Variants in ATP2B2 observed in about 807,000 individuals in gnomAD.
ATP2B2 encodes plasma membrane calcium-transporting ATPase 2.
A neutral mutation model predicts 120.0 loss-of-function variants in ATP2B2; 15 were observed. The ratio of observed to expected loss-of-function variants is 0.12; its 90% confidence interval spans 0.08 to 0.19. The LOEUF (loss-of-function observed/expected upper bound fraction) is 0.19. Ranked by LOEUF, ATP2B2 falls within the 10% of genes least tolerant of loss-of-function variation. The pLI is 1.00. For missense variants in ATP2B2, 1,045 were observed against 1,719.8 expected, an observed-to-expected ratio of 0.61 and a Z score of 6.94; for synonymous variants, 694 against 700.3, an observed-to-expected ratio of 0.99 and a Z score of 0.14.
At chr3:10,404,648 C>T (rs1211631576) in intron 3 of ATP2B2, among the ~76,000 whole-genome samples, 1 of 152,166 alleles carries the variant, frequency 6.6e-6, no homozygotes, top group Non-Finnish European at 1.5e-5. Context: ...CCCTGAGGCC[C>T]ACATTACAGA....
intron 1 of ATP2B2, among the ~76,000 whole-genome samples, chr3:10,677,435 T>C (rs2071273997): frequency 6.6e-6 from 1 of 152,066 alleles, no homozygotes; most frequent in African/African-American, 2.4e-5. Context: ...GGAGCGGGGA[T>C]GTTTGGGGCA....
At chr3:10,432,781 C>T (rs146882042) in intron 2 of ATP2B2, among the ~76,000 whole-genome samples, 7 of 152,282 alleles carry the variant, frequency 4.6e-5, no homozygotes, top group South Asian at 2.1e-4. Context: ...CAAAGGGACG[C>T]GGCTTTCTAC....
intron 3 of ATP2B2, among the ~76,000 whole-genome samples, chr3:10,528,859 G>A (rs929774364): frequency 6.6e-6 from 1 of 152,204 alleles, no homozygotes; most frequent in Admixed American, 6.5e-5. Context: ...CTTGCTTGGT[G>A]CTGGTGTCAG....
intron 3 of ATP2B2, among the ~76,000 whole-genome samples, chr3:10,408,613 G>A (rs988273350): frequency 6.6e-6 from 1 of 152,208 alleles, no homozygotes; most frequent in African/African-American, 2.4e-5. Context: ...AGACAGACTC[G>A]GGTTGAAAAT....
At chr3:10,469,802 C>G (rs2064906298) in intron 1 of ATP2B2, among the ~76,000 whole-genome samples, 1 of 152,178 alleles carries the variant, frequency 6.6e-6, no homozygotes, top group African/African-American at 2.4e-5. Flanking sequence ...CCTGGGCTAG[C>G]CAGGCAAAGA....
In ATP2B2 at chr3:10,379,251, TG is replaced by T; in HGVS notation, c.1033del (p.Gln345ArgfsTer59). On this transcript the variant is annotated frameshift_variant, in exon 9 of 23. Transcript: ENST00000360273. LOFTEE classifies it high-confidence loss of function. The part of the protein sequence containing the change: ...KMQDGNVDAS[Q>X]SKAKQQDGAA... The stretch of plus-strand genomic sequence containing the variant: ...TAAAACAAAAGGGTTACCTTTGCTC[TG>T]GCTGGCGTCCACATTGCCATCCTGC... The T allele has an allele frequency of 6.2e-7, 1 of 1,613,960 alleles. No individual in the cohort carries two copies. The highest frequency in any genetic ancestry group is 8.5e-7 in the Non-Finnish European group (1 of 1,179,966).
chr3:10,610,263 C>T (rs1202136846), intron 2 of ATP2B2, among the ~76,000 whole-genome samples: 2 of 151,642 alleles, frequency 1.3e-5, no homozygotes, highest in African/African-American at 4.8e-5. Context: ...TCCTTGAAGC[C>T]GAAGGGCATG....
At chr3:10,587,119 C>A (rs1005453584) in intron 2 of ATP2B2, among the ~76,000 whole-genome samples, 1 of 152,032 alleles carries the variant, frequency 6.6e-6, no homozygotes, top group Non-Finnish European at 1.5e-5. Flanking sequence ...CACGGCAAAA[C>A]CCCATAGCTA....
intron 2 of ATP2B2, among the ~76,000 whole-genome samples, chr3:10,537,015 G>A (rs1484849465): frequency 6.6e-6 from 1 of 152,116 alleles, no homozygotes; most frequent in African/African-American, 2.4e-5. Flanking sequence ...TTACTCCATT[G>A]AATTGCTTTT....
At chr3:10,446,138 C>T in intron 2 of ATP2B2, among the ~76,000 whole-genome samples, 1 of 152,166 alleles carries the variant, frequency 6.6e-6, no homozygotes, top group East Asian at 1.9e-4. Context: ...GGTAACAGCA[C>T]CCGTTTCCAG....
chr3:10,643,334 A>T (rs1373251215), intron 1 of ATP2B2, among the ~76,000 whole-genome samples: 1 of 152,248 alleles, frequency 6.6e-6, no homozygotes, highest in Non-Finnish European at 1.5e-5. Context: ...TAAACGTGGA[A>T]TGCTGGAGTT....
intron 1 of ATP2B2, among the ~76,000 whole-genome samples, chr3:10,465,127 C>T (rs1054835315): frequency 1.6e-4 from 25 of 152,246 alleles, no homozygotes; most frequent in African/African-American, 5.5e-4. Flanking sequence ...AGCCTCCTCT[C>T]CCCTGAGCCC....
intron 2 of ATP2B2, among the ~76,000 whole-genome samples, chr3:10,585,570 C>G (rs1205997164): frequency 6.7e-6 from 1 of 149,564 alleles, no homozygotes; most frequent in Non-Finnish European, 1.5e-5. Context: ...CTACCCATCT[C>G]TGCAGCTTCT....
At chr3:10,405,433 T>C (rs1456284078) in intron 3 of ATP2B2, among the ~76,000 whole-genome samples, 2 of 152,072 alleles carry the variant, frequency 1.3e-5, no homozygotes, top group Non-Finnish European at 2.9e-5. Context: ...GACTAGAAAG[T>C]GGGAGTGCAG....
At chr3:10,408,793 C>T (rs985036723) in intron 3 of ATP2B2, among the ~76,000 whole-genome samples, 1 of 152,160 alleles carries the variant, frequency 6.6e-6, no homozygotes, top group Admixed American at 6.5e-5. Context: ...CCACCCCCTC[C>T]ACCACCTGCT....
rs1354143788 is a variant in ATP2B2 at position 10,325,851 on chromosome 3, C to T, written c.*2963G>A. 6.6e-6 allele frequency: 1 copy of T among 152,180 alleles called. No homozygotes were observed. Among genetic ancestry groups the T allele is most frequent in the African/African-American group, 2.4e-5 (1 of 41,438 alleles). 9.4% of individuals were successfully genotyped at this position (152,180 alleles called of 1,614,324 possible). On this transcript the variant is annotated 3_prime_UTR_variant, in exon 23 of 23. Coordinates refer to ENST00000360273, the MANE Select transcript of ATP2B2 (RefSeq NM_001001331.4). ...GTGAGCTTAGCTCTCAGAACCAAAT[C>T]TGCCACTTACTCCTGGAGCCCTTGT...
chr3:10,524,481 T>C (rs1464533057), intron 3 of ATP2B2, among the ~76,000 whole-genome samples: 2 of 152,224 alleles, frequency 1.3e-5, no homozygotes, highest in Non-Finnish European at 2.9e-5. Flanking sequence ...GCATTGAGAT[T>C]TGATCCCTGG....
intron 1 of ATP2B2, among the ~76,000 whole-genome samples, chr3:10,683,762 A>ATG (rs1451097909): frequency 6.9e-3 from 61 of 8,864 alleles, no homozygotes; most frequent in African/African-American, 0.017. Context: ...GTGTGTGTGT[A>ATG]TATATATATA....
At chr3:10,559,125 A>T (rs923250532) in intron 2 of ATP2B2, among the ~76,000 whole-genome samples, 1 of 152,264 alleles carries the variant, frequency 6.6e-6, no homozygotes, top group Non-Finnish European at 1.5e-5. Flanking sequence ...AGGGGTAGTA[A>T]GATGAACGAT....
Sources: gnomAD v4.1 joint callset for allele counts (sites outside exome capture counted in the v4.1 genomes callset) on GRCh38, gnomAD v4.1.1 for gene constraint, MANE v1.5 for transcripts, NCBI Gene and HGNC (gene_info 2026-07-23, HGNC 2026-07-21) for gene names.